RGPD2: variants seen among roughly 807,000 people sequenced by gnomAD.
The protein encoded by RGPD2 is RANBP2 like and GRIP domain containing 2.
In RGPD2, 2 loss-of-function variants were observed where a neutral mutation model predicts 36.0. That is an observed-to-expected ratio of 0.06 (90% CI 0.02 to 0.17). RGPD2 has a LOEUF of 0.17. Among genes scored for constraint, RGPD2 ranks in the 10% least tolerant of loss-of-function variants. RGPD2 has a pLI of 1.00. For synonymous variants in RGPD2, 19 were observed against 163.8 expected, an observed-to-expected ratio of 0.12 and a Z score of 6.75; for missense variants, 40 against 464.3, an observed-to-expected ratio of 0.09 and a Z score of 8.40.
At chr2:87,961,434 C>T in the RGPD2 span, among the ~76,000 whole-genome samples, 7 of 151,900 alleles carry the variant, frequency 4.6e-5, no homozygotes, top group Non-Finnish European at 1.5e-5. Context: ...GGCGCCGTGG[C>T]TCACGCCTGT....
At chr2:87,958,800 C>T in the RGPD2 span, among the ~76,000 whole-genome samples, 1 of 151,466 alleles carries the variant, frequency 6.6e-6, no homozygotes, top group Admixed American at 6.6e-5. Context: ...CCACAGAGCT[C>T]ATATGAGCTA....
the RGPD2 span, among the ~76,000 whole-genome samples, chr2:87,888,409 A>G: frequency 6.9e-6 from 1 of 144,012 alleles, no homozygotes; most frequent in Admixed American, 7.1e-5. Flanking sequence ...TAGGGCCAAG[A>G]TTTTAGTAGA....
At chr2:87,839,383 G>A in the RGPD2 span, among the ~76,000 whole-genome samples, 2 of 152,058 alleles carry the variant, frequency 1.3e-5, no homozygotes, top group Admixed American at 1.3e-4. Flanking sequence ...AACAGATTCT[G>A]GTGATGTTAT....
chr2:87,978,944 A>G, the RGPD2 span, among the ~76,000 whole-genome samples: 6 of 151,380 alleles, frequency 4.0e-5, no homozygotes, highest in Non-Finnish European at 8.8e-5. Flanking sequence ...ATGAAAATGT[A>G]TGTCCACGGG....
the RGPD2 span, chr2:87,989,706 C>G: frequency 2.1e-6 from 2 of 968,880 alleles, no homozygotes; most frequent in Admixed American, 5.8e-5. Flanking sequence ...TAGGGTGACT[C>G]TGTTATGGAC....
the RGPD2 span, among the ~76,000 whole-genome samples, chr2:87,842,452 C>A: frequency 4.0e-5 from 6 of 150,082 alleles, no homozygotes; most frequent in East Asian, 1.2e-3. Context: ...AGTGAACTCC[C>A]ATTCACAATT....
the RGPD2 span, among the ~76,000 whole-genome samples, chr2:87,881,575 T>A: frequency 4.0e-5 from 6 of 150,272 alleles, no homozygotes; most frequent in South Asian, 1.1e-3. Flanking sequence ...CTCGACCTTA[T>A]CAGCCTGGAC....
chr2:87,915,724 T>A, the RGPD2 span, among the ~76,000 whole-genome samples: 2 of 147,612 alleles, frequency 1.4e-5, no homozygotes, highest in Non-Finnish European at 3.0e-5. Context: ...TTTAATATAG[T>A]CACTTGTTCT....
At chr2:87,834,287 G>A in the RGPD2 span, among the ~76,000 whole-genome samples, 33 of 151,994 alleles carry the variant, frequency 2.2e-4, no homozygotes, top group African/African-American at 4.6e-4. Flanking sequence ...GCTCTAAACC[G>A]GGGAAGAAGA....
the RGPD2 span, chr2:87,985,699 C>A: frequency 2.6e-6 from 4 of 1,521,026 alleles, no homozygotes; most frequent in South Asian, 2.3e-5. Flanking sequence ...CAGAATAACT[C>A]ATAAAGAAAA....
chr2:87,806,039 T>TG (rs1685945342), intron 7 of RGPD2, among the ~76,000 whole-genome samples: 1 of 151,422 alleles, frequency 6.6e-6, no homozygotes, highest in Non-Finnish European at 1.5e-5. Flanking sequence ...AGCACGGGCC[T>TG]GTAGTGCCAG....
chr2:87,758,288 GT>G (rs1196999641), intron 22 of RGPD2, among the ~76,000 whole-genome samples: 2 of 112,208 alleles, frequency 1.8e-5, no homozygotes, highest in African/African-American at 6.6e-5. Flanking sequence ...TCCTCAAATG[GT>G]TTTTTTTATT....
At chr2:87,893,479 T>G in the RGPD2 span, among the ~76,000 whole-genome samples, 1 of 144,464 alleles carries the variant, frequency 6.9e-6, no homozygotes, top group Non-Finnish European at 1.5e-5. Context: ...TATAATAGCT[T>G]AATATAAGCT....
the RGPD2 span, among the ~76,000 whole-genome samples, chr2:87,837,543 C>T: frequency 4.1e-4 from 29 of 69,924 alleles, no homozygotes; most frequent in Non-Finnish European, 7.1e-4. Flanking sequence ...TACAACGTAC[C>T]GGAATCTCTG....
Position 87,825,654 on chromosome 2 carries a change from T to C in RGPD2, c.72+4A>G, listed in dbSNP as rs1194437828. Reference sequence around the variant, plus strand: ...GGCCGTCGGTCTCTTCGAGATCCACTCACCTTTCCAGGCGACGGGGCGGAG... The same window carrying C: ...GGCCGTCGGTCTCTTCGAGATCCACCCACCTTTCCAGGCGACGGGGCGGAG... On this transcript the variant is annotated splice_donor_region_variant and intron_variant, in intron 1 of 22. Coordinates refer to ENST00000398146, the MANE Select transcript of RGPD2 (RefSeq NM_001078170.3). The C allele has an allele frequency of 9.5e-6, 15 of 1,574,562 alleles. No individual in the cohort carries two copies. The highest frequency in any genetic ancestry group is 8.6e-6 in the Non-Finnish European group (10 of 1,161,320).
the RGPD2 span, among the ~76,000 whole-genome samples, chr2:87,916,128 G>A: frequency 2.0e-5 from 3 of 152,098 alleles, no homozygotes; most frequent in Non-Finnish European, 4.4e-5. Context: ...ACACCAAGAA[G>A]CAAGTGTGTT....
At chr2:87,944,028 C>G in the RGPD2 span, among the ~76,000 whole-genome samples, 298 of 151,850 alleles carry the variant, frequency 2.0e-3, no homozygotes, top group African/African-American at 7.0e-3. Context: ...CTTTGTCAAA[C>G]TATTGTTATT....
intron 1 of RGPD2, among the ~76,000 whole-genome samples, 154 bp downstream of exon 1, chr2:87,825,504 G>GC (rs1417762849): frequency 3.5e-4 from 23 of 65,484 alleles, no homozygotes; most frequent in Non-Finnish European, 6.3e-4. Flanking sequence ...GGCCGAGGCC[G>GC]AGGCCGAGGC....
the RGPD2 span, among the ~76,000 whole-genome samples, chr2:87,839,463 G>T: frequency 5.9e-5 from 9 of 151,948 alleles, no homozygotes; most frequent in Non-Finnish European, 2.9e-5. Flanking sequence ...TAGTTCTAAC[G>T]TAAAGACACA....
Sources: allele counts gnomAD v4.1 joint callset (sites outside exome capture counted in the v4.1 genomes callset), GRCh38; gene constraint gnomAD v4.1.1; transcripts MANE v1.5; gene names NCBI Gene and HGNC (gene_info 2026-07-23, HGNC 2026-07-21).